IL7: variants seen among roughly 807,000 people sequenced by gnomAD.
IL7 encodes interleukin 7, also known as interleukin-7.
Under a neutral mutation model 21.6 loss-of-function variants are expected in IL7, and 3 were observed. The ratio of observed to expected loss-of-function variants is 0.14; its 90% CI spans 0.06 to 0.36. IL7 has a LOEUF of 0.36. Ranked by LOEUF, IL7 falls within the 10% of genes least tolerant of loss-of-function variation. The pLI, the probability that IL7 is intolerant of heterozygous loss-of-function variation, is 1.00. For synonymous variants in IL7, 62 were observed against 68.1 expected (o/e 0.91, Z 0.44); for missense variants, 175 against 200.2 (o/e 0.87, Z 0.76).
At chr8:78,761,308 AGGTACT>A (rs1812548101) in intron 2 of IL7, 2 of 1,611,540 alleles carry the variant, frequency 1.2e-6, no homozygotes, top group Admixed American at 3.3e-5. Flanking sequence ...CTCCCATAAC[AGGTACT>A]GATTTTGCCA....
At position 78,779,627 on chromosome 8, in the gene IL7, G is replaced by A. The variant is rs188890629; in HGVS notation, c.147+18445C>T. 3.7e-4 allele frequency among the ~76,000 whole-genome samples: 57 copies of A among 152,260 alleles called. 1 individual carries two copies. In the East Asian group the frequency reaches 9.5e-3, roughly 25 times the overall value. On this transcript the variant is annotated intron_variant, in intron 2 of 5. Transcript: ENST00000263851. ...GGATAAGCTTTTCGATGTGCTCCTG[G>A]ATTTGGTTTGGCAGTATTTTACCGA...
chr8:78,764,898 G>A (rs114504142), intron 2 of IL7, among the ~76,000 whole-genome samples: 1,671 of 152,134 alleles, frequency 0.011, 31 homozygotes, highest in African/African-American at 0.031. Flanking sequence ...AAAGAGCAAA[G>A]TTAGAGGACT....
chr8:78,692,947 G>A (rs1810260564), intron 3 of IL7, among the ~76,000 whole-genome samples: 1 of 151,878 alleles, frequency 6.6e-6, no homozygotes, highest in African/African-American at 2.4e-5. Flanking sequence ...TGCTCTCATT[G>A]TTCAATTCCC....
At chr8:78,728,124 G>T (rs1282806092), downstream of IL7, among the ~76,000 whole-genome samples, 1 of 151,912 alleles carries the variant, frequency 6.6e-6, no homozygotes, top group African/African-American at 2.4e-5. Context: ...AGAATTCAAA[G>T]AAAAACTAAA....
chr8:78,782,038 T>C (rs1230790837), intron 2 of IL7, among the ~76,000 whole-genome samples: 3 of 152,208 alleles, frequency 2.0e-5, no homozygotes, highest in Non-Finnish European at 2.9e-5. Flanking sequence ...ATTGGGAAGT[T>C]CTTGTGTTGT....
At chr8:78,800,752 G>T (rs141775604) in intron 1 of IL7, among the ~76,000 whole-genome samples, 2 of 152,214 alleles carry the variant, frequency 1.3e-5, no homozygotes, top group African/African-American at 4.8e-5. Context: ...GGTCCAAAAG[G>T]TATACTTCGG....
At chr8:78,716,039 C>CA (rs753499894), downstream of IL7, among the ~76,000 whole-genome samples, 5,294 of 56,856 alleles carry the variant, frequency 0.093, 187 homozygotes, top group Middle Eastern at 0.22. Flanking sequence ...GACTCCATCT[C>CA]AAAAAAAAAA....
intron 2 of IL7, among the ~76,000 whole-genome samples, chr8:78,766,684 G>A (rs1812763428): frequency 6.6e-6 from 1 of 152,058 alleles, no homozygotes; most frequent in Non-Finnish European, 1.5e-5. Flanking sequence ...TCCACATTAA[G>A]TGTGTTCCAC....
At chr8:78,795,208 G>T (rs1207961962) in intron 2 of IL7, among the ~76,000 whole-genome samples, 1 of 151,994 alleles carries the variant, frequency 6.6e-6, no homozygotes, top group Non-Finnish European at 1.5e-5. Flanking sequence ...TAGTATTATG[G>T]TCTCCCCAAG....
chr8:78,728,544 T>G (rs2130646416), downstream of IL7, among the ~76,000 whole-genome samples: 1 of 152,078 alleles, frequency 6.6e-6, no homozygotes, highest in South Asian at 2.1e-4. Context: ...CAACAAATGG[T>G]GATGAAACAC....
chr8:78,678,527 A>G (rs767669289), intron 4 of IL7: 15 of 1,543,460 alleles, frequency 9.7e-6, no homozygotes, highest in Middle Eastern at 1.7e-4. Context: ...TTCTGTAGAA[A>G]AGAAAATGAT....
At chr8:78,725,607 C>T (rs1811326300) in intron 3 of IL7, among the ~76,000 whole-genome samples, 1 of 152,158 alleles carries the variant, frequency 6.6e-6, no homozygotes, top group East Asian at 1.9e-4. Flanking sequence ...TTTCCTTTTA[C>T]AGTGGCTGTA....
chr8:78,692,108 C>G (rs1162802101), intron 3 of IL7, among the ~76,000 whole-genome samples: 1 of 152,068 alleles, frequency 6.6e-6, no homozygotes. Flanking sequence ...CTGTATTCAC[C>G]ATGCTATGCA....
At chr8:78,793,150 T>A (rs1813747994) in intron 2 of IL7, among the ~76,000 whole-genome samples, 1 of 152,112 alleles carries the variant, frequency 6.6e-6, no homozygotes, top group African/African-American at 2.4e-5. Context: ...TCCATATGAA[T>A]TATATACAAG....
At chr8:78,675,459 G>C (rs1176755531), downstream of IL7, among the ~76,000 whole-genome samples, 1 of 151,768 alleles carries the variant, frequency 6.6e-6, no homozygotes, top group Non-Finnish European at 1.5e-5. Flanking sequence ...TTAAAATGTA[G>C]TAATTTACCA....
chr8:78,724,542 C>CAT (rs33994511), intron 3 of IL7, among the ~76,000 whole-genome samples: 118,656 of 151,700 alleles, frequency 0.78, 46,765 homozygotes, highest in East Asian at 0.91. Context: ...AGGGAAAACT[C>CAT]ATAAACTCTT....
At chr8:78,718,543 A>G (rs931311886) in intron 6 of IL7, 1 of 151,876 alleles carries the variant, frequency 6.6e-6, no homozygotes, top group African/African-American at 2.4e-5. Context: ...GTAGGTTAAG[A>G]GAATATCTAA....
downstream of IL7, among the ~76,000 whole-genome samples, chr8:78,729,910 G>T (rs1371474607): frequency 6.6e-6 from 1 of 151,950 alleles, no homozygotes; most frequent in Non-Finnish European, 1.5e-5. Context: ...ATAACAGGTG[G>T]TAGGTTATTA....
chr8:78,799,647 CAT>C (rs575822463), intron 1 of IL7, among the ~76,000 whole-genome samples: 6 of 150,654 alleles, frequency 4.0e-5, no homozygotes, highest in Non-Finnish European at 7.4e-5. Flanking sequence ...TATAAAATCT[CAT>C]ATATATATAT....
Sources: allele counts gnomAD v4.1 joint callset (sites outside exome capture counted in the v4.1 genomes callset), GRCh38; gene constraint gnomAD v4.1.1; transcripts MANE v1.5; gene names NCBI Gene and HGNC (gene_info 2026-07-23, HGNC 2026-07-21).